Variants in KL observed in about 807,000 individuals in gnomAD.
The protein encoded by KL is klotho, also known as alpha-klotho.
In KL, 62 loss-of-function variants were observed where a neutral mutation model predicts 84.2. The observed-to-expected ratio is 0.74, with a 90% CI of 0.60 to 0.91. The LOEUF (loss-of-function observed/expected upper bound fraction) is 0.91. Among genes scored for constraint, KL ranks in the 40% least tolerant of loss-of-function variants. The probability of loss-of-function intolerance (pLI) is 0.00; values close to 1 mark genes in which losing one functional copy is unlikely to be tolerated. For missense variants in KL, 1,261 were observed against 1,305.7 expected, an observed-to-expected ratio of 0.97 and a Z score of 0.53; for synonymous variants, 528 against 528.0, an observed-to-expected ratio of 1.00 and a Z score of 0.00.
rs1870330892 is a variant in KL, at chr13:33,016,475, C to G, written c.35C>G (p.Pro12Arg). ...AGCGCCCCGCCGCGCCGCCCGCGGC[C>G]GCCGCCGCCGTCGCTGTCGCTGCTG... ...PASAPPRRPRPPPPSLSLLLV... is the reference protein window; with the variant it reads ...PASAPPRRPRRPPPSLSLLLV... The change falls in exon 1 of 5, where the codon CCG becomes CGG. Residue 12 changes from proline to arginine, a missense_variant. Transcript: ENST00000380099. 2.8e-6 allele frequency: 3 copies of G among 1,083,190 alleles called. No individual in the cohort carries two copies. The highest frequency in any genetic ancestry group is 1.7e-5 in the African/African-American group (1 of 59,276). 67.1% of individuals were successfully genotyped at this position (1,083,190 alleles called of 1,614,324 possible). A position where few individuals can be genotyped will look rare whatever the true frequency, so the allele number is the denominator to read the frequency against.
chr13:33,064,285 A>C lies in KL; in HGVS notation c.*99A>C. 1 of 949,758 alleles carries C rather than the reference A, an allele frequency of 1.1e-6. No individual in the cohort carries two copies. The allele number at this position is 949,758 out of a possible 1,614,324, so 58.8% of individuals were successfully genotyped here. ...TAAGTGTTGTGAAACTGTAAATTTC[A>C]TACATTTGACTTCTAGAAAACATTT... is the stretch of plus-strand genomic sequence containing the variant. On this transcript the variant is annotated 3_prime_UTR_variant, in exon 5 of 5. Coordinates refer to ENST00000380099, the MANE Select transcript of KL (RefSeq NM_004795.4).
chr13:33,043,804 G>A (rs559380008), intron 1 of KL, among the ~76,000 whole-genome samples: 9 of 152,170 alleles, frequency 5.9e-5, no homozygotes, highest in Middle Eastern at 3.4e-3. Context: ...ATTGGACGAC[G>A]TCAAAATTAA....
At position 33,055,369 on chromosome 13, in the gene KL, A is replaced by C. The variant is rs1453639229; in HGVS notation, c.1599+54A>C. On this transcript the variant is annotated intron_variant, in intron 3 of 4. Transcript: ENST00000380099. The stretch of plus-strand genomic sequence containing the variant: ...GTCTCACCAAGCCCTATCACTAGTA[A>C]GTAGTGCTTCCTTCCTAGGCTGATT... 4 of 1,609,146 alleles carry C rather than the reference A, an allele frequency of 2.5e-6. No homozygotes were observed. In the Admixed American group the frequency reaches 6.7e-5, roughly 27 times the overall value.
chr13:33,052,246 G>A (rs1871782754), intron 1 of KL, among the ~76,000 whole-genome samples: 1 of 152,220 alleles, frequency 6.6e-6, no homozygotes, highest in Non-Finnish European at 1.5e-5. Flanking sequence ...GGGACTGCAG[G>A]CATGAGCCAT....
intron 1 of KL, among the ~76,000 whole-genome samples, chr13:33,040,497 C>A (rs1871299488): frequency 6.6e-6 from 1 of 152,074 alleles, no homozygotes; most frequent in South Asian, 2.1e-4. Context: ...ATCTGGAGGG[C>A]CCTTTTCTTA....
chr13:33,016,600 G>A lies in KL; in HGVS notation c.160G>A (p.Ala54Thr), dbSNP rs1170714512. ...RFSRPPAPEA[A>T]GLFQGTFPDG... is the part of the protein sequence containing the mutation. ...CTCGCGGCCTCCTGCCCCCGAGGCCGCGGGCCTCTTCCAGGGCACCTTCCC... is the reference window on the plus strand; with the variant it reads ...CTCGCGGCCTCCTGCCCCCGAGGCCACGGGCCTCTTCCAGGGCACCTTCCC... Residue 54 changes from alanine (A) to threonine (T), a missense_variant, in exon 1 of 5, where the codon GCG becomes ACG. Coordinates refer to ENST00000380099, the MANE Select transcript of KL (RefSeq NM_004795.4). 8 of 1,511,546 alleles carry A rather than the reference G, an allele frequency of 5.3e-6. No individual in the cohort carries two copies. The highest frequency in any genetic ancestry group is 7.1e-6 in the Non-Finnish European group (8 of 1,129,420). 93.6% of individuals were successfully genotyped at this position (1,511,546 alleles called of 1,614,324 possible).
Position 33,053,755 on chromosome 13 carries a change from T to G in KL, c.820-12T>G, listed in dbSNP as rs1244230450. 6.2e-7 allele frequency: 1 copy of G among 1,613,844 alleles called. No homozygotes were observed. The highest frequency in any genetic ancestry group is 2.2e-5 in the East Asian group (1 of 44,890). On this transcript the variant is annotated splice_polypyrimidine_tract_variant and intron_variant, in intron 1 of 4. Coordinates refer to ENST00000380099, the MANE Select transcript of KL (RefSeq NM_004795.4). ...ACTAGAGATAAATTTGCCATGGTTT[T>G]TCTCTTCATAGGCTCATGCCAAAGT...
Position 33,055,293 on chromosome 13 carries a change from G to C in KL, c.1577G>C (p.Gly526Ala). 1 of 1,614,158 alleles carries C rather than the reference G, an allele frequency of 6.2e-7. No homozygotes were observed. The highest frequency in any genetic ancestry group is 1.1e-5 in the South Asian group (1 of 91,084). Residue 526 changes from glycine (G) to alanine (A), a missense_variant, in exon 3 of 5, where the codon GGA becomes GCA. Gly to Ala is a moderately conservative substitution (Grantham distance 60). Coordinates refer to ENST00000380099, the MANE Select transcript of KL (RefSeq NM_004795.4). The stretch of plus-strand genomic sequence containing the variant: ...ACATTTCCCTGTGACTTTGCTTGGG[G>C]AGTTGTTGACAACTACATTCAAGTA... ...EGTFPCDFAWGVVDNYIQVDT... is the reference protein window; with the variant it reads ...EGTFPCDFAWAVVDNYIQVDT...
chr13:33,054,305 C>T (rs1871872227), intron 2 of KL, 28 bp downstream of exon 2: 1 of 1,605,792 alleles, frequency 6.2e-7, no homozygotes, highest in African/African-American at 1.3e-5. Flanking sequence ...GTTCTCATTT[C>T]CTGCCAAAAT....
At chr13:33,021,719 C>T (rs1870582333) in intron 1 of KL, among the ~76,000 whole-genome samples, 1 of 151,960 alleles carries the variant, frequency 6.6e-6, no homozygotes, top group Non-Finnish European at 1.5e-5. Context: ...CCCGTCTCTA[C>T]TAAAAATATG....
At chr13:33,016,303 C>A, upstream of KL, 1 of 151,842 alleles carries the variant, frequency 6.6e-6, no homozygotes, top group South Asian at 2.0e-4. Context: ...GGAGGCAGTC[C>A]CGGCTCGCAG....
At chr13:33,031,066 C>T (rs1037933446) in intron 1 of KL, among the ~76,000 whole-genome samples, 1 of 152,000 alleles carries the variant, frequency 6.6e-6, no homozygotes, top group Non-Finnish European at 1.5e-5. Flanking sequence ...ATAAAATGCC[C>T]CAGAACTGAA....
At chr13:33,042,392 C>T (rs1189391347) in intron 1 of KL, among the ~76,000 whole-genome samples, 3 of 152,094 alleles carry the variant, frequency 2.0e-5, no homozygotes, top group African/African-American at 7.2e-5. Context: ...CTAATCAATT[C>T]TCACCTCCGT....
chr13:33,064,392 CT>C lies in KL; in HGVS notation c.*207del, dbSNP rs1872329965. 1 of 502,904 alleles carries C rather than the reference CT, an allele frequency of 2.0e-6. No homozygotes were observed. Among genetic ancestry groups the C allele is most frequent in the African/African-American group, 1.9e-5 (1 of 52,378 alleles). The allele number at this position is 502,904 out of a possible 1,614,324, so 31.2% of individuals were successfully genotyped here. On this transcript the variant is annotated 3_prime_UTR_variant, in exon 5 of 5. Coordinates refer to ENST00000380099, the MANE Select transcript of KL (RefSeq NM_004795.4). ...AATGCGAATAGTGCCTGAATTTGTT[CT>C]CTTTTTGGGTGATTAAAAAACTGAC...
rs1474635428 is a variant in KL at position 33,055,315 on chromosome 13, A to G, written c.1599A>G (p.Gln533=). Residue 533 remains glutamine, a splice_region_variant and synonymous_variant, in exon 3 of 5, where the codon CAA becomes CAG. Coordinates refer to ENST00000380099, the MANE Select transcript of KL (RefSeq NM_004795.4). ...FAWGVVDNYI[Q]VDTTLSQFTD... ...GGGGAGTTGTTGACAACTACATTCA[A>G]GTAAGTCAGCTGACAAAACCAATCA... 6 of 1,614,168 alleles carry G rather than the reference A, an allele frequency of 3.7e-6. No individual in the cohort carries two copies. The highest frequency in any genetic ancestry group is 5.1e-6 in the Non-Finnish European group (6 of 1,180,022).
chr13:33,052,042 C>T (rs1871773325), intron 1 of KL, among the ~76,000 whole-genome samples: 1 of 152,190 alleles, frequency 6.6e-6, no homozygotes, highest in African/African-American at 2.4e-5. Context: ...CCGAAGCCTC[C>T]ATCTCCTGGG....
At chr13:33,031,634 A>G (rs1870976919) in intron 1 of KL, among the ~76,000 whole-genome samples, 1 of 152,208 alleles carries the variant, frequency 6.6e-6, no homozygotes, top group Non-Finnish European at 1.5e-5. Flanking sequence ...ATAAGGGAAG[A>G]AAATGGGGCA....
At chr13:33,059,970 A>G (rs1450101307) in intron 3 of KL, among the ~76,000 whole-genome samples, 1 of 152,122 alleles carries the variant, frequency 6.6e-6, no homozygotes, top group Admixed American at 6.5e-5. Flanking sequence ...AGTTTTTTAA[A>G]TCTTCTTTTT....
intron 3 of KL, among the ~76,000 whole-genome samples, chr13:33,056,089 A>G (rs1871946748): frequency 6.6e-6 from 1 of 152,190 alleles, no homozygotes. Flanking sequence ...TTTGCTTTCA[A>G]AGGAGCAAAG....
Sources: gnomAD v4.1 joint callset for allele counts (sites outside exome capture counted in the v4.1 genomes callset) on GRCh38, gnomAD v4.1.1 for gene constraint, MANE v1.5 for transcripts, NCBI Gene and HGNC (gene_info 2026-07-23, HGNC 2026-07-21) for gene names.